Variants in MND1 observed in about 807,000 individuals in gnomAD.
MND1 encodes the protein meiotic nuclear divisions 1, also known as meiotic nuclear division protein 1 homolog.
MND1 carries 28 observed loss-of-function variants against 35.1 expected under a neutral mutation model. That is an observed-to-expected ratio of 0.80 (90% CI 0.59 to 1.09). MND1 has a LOEUF of 1.09. Among genes scored for constraint, MND1 ranks in the 50% least tolerant of loss-of-function variants. MND1 has a pLI of 0.00. For synonymous variants in MND1, 69 were observed against 70.5 expected (o/e 0.98, Z 0.11); for missense variants, 213 against 239.6 (o/e 0.89, Z 0.73).
intron 1 of MND1, among the ~76,000 whole-genome samples, chr4:153,349,791 A>G (rs1773165843): frequency 6.6e-6 from 1 of 152,238 alleles, no homozygotes; most frequent in South Asian, 2.1e-4. Context: ...AGCCTTTGGA[A>G]GGTCAATACA....
At chr4:153,401,912 T>C (rs901545923) in intron 6 of MND1, among the ~76,000 whole-genome samples, 1 of 152,170 alleles carries the variant, frequency 6.6e-6, no homozygotes, top group Non-Finnish European at 1.5e-5. Context: ...ACTAATTGCT[T>C]TGGAGGCAGA....
At chr4:153,405,949 GC>G (rs990498336) in intron 6 of MND1, among the ~76,000 whole-genome samples, 3 of 151,866 alleles carry the variant, frequency 2.0e-5, no homozygotes, top group Non-Finnish European at 2.9e-5. Flanking sequence ...GACTACAGGC[GC>G]CCACCACCAC....
intron 6 of MND1, among the ~76,000 whole-genome samples, chr4:153,403,132 C>T (rs554047448): frequency 6.6e-6 from 1 of 150,560 alleles, no homozygotes; most frequent in South Asian, 2.1e-4. Flanking sequence ...TGAGAACCTT[C>T]TAAAAAAAAA....
intron 1 of MND1, among the ~76,000 whole-genome samples, chr4:153,348,257 C>T (rs905305973): frequency 6.6e-6 from 1 of 152,104 alleles, no homozygotes; most frequent in African/African-American, 2.4e-5. Context: ...AGGCCTCTGG[C>T]TTGGGTCACG....
intron 4 of MND1, among the ~76,000 whole-genome samples, chr4:153,383,279 TG>T (rs1422846531): frequency 6.6e-6 from 1 of 152,140 alleles, no homozygotes; most frequent in Non-Finnish European, 1.5e-5. Flanking sequence ...AAACCCAGGC[TG>T]GGAGGAAATT....
intron 5 of MND1, among the ~76,000 whole-genome samples, chr4:153,396,385 A>G (rs1729198151): frequency 6.6e-6 from 1 of 152,204 alleles, no homozygotes; most frequent in Non-Finnish European, 1.5e-5. Context: ...TTTGGAACCA[A>G]AAGGAACAGC....
intron 4 of MND1, among the ~76,000 whole-genome samples, chr4:153,373,782 G>A (rs1029070479): frequency 6.6e-6 from 1 of 152,154 alleles, no homozygotes; most frequent in African/African-American, 2.4e-5. Flanking sequence ...TTTCTAAAAG[G>A]TTGATAGCCC....
chr4:153,373,964 A>C (rs4597810), intron 4 of MND1, among the ~76,000 whole-genome samples: 4,491 of 152,250 alleles, frequency 0.029, 234 homozygotes, highest in African/African-American at 0.1. Context: ...TAGAGAAGCA[A>C]TATGGCTTCA....
At chr4:153,399,796 G>T (rs919778210) in intron 6 of MND1, among the ~76,000 whole-genome samples, 1 of 151,528 alleles carries the variant, frequency 6.6e-6, no homozygotes, top group Admixed American at 6.6e-5. Context: ...CCAACCCAAG[G>T]AAAACATGCC....
intron 4 of MND1, among the ~76,000 whole-genome samples, chr4:153,380,832 A>G (rs1160430564): frequency 6.6e-6 from 1 of 152,192 alleles, no homozygotes; most frequent in Non-Finnish European, 1.5e-5. Context: ...GTTATTTTAA[A>G]TAATGCTGAA....
chr4:153,355,898 G>C, intron 3 of MND1, 187 bp downstream of exon 3: 3 of 534,902 alleles, frequency 5.6e-6, no homozygotes, highest in Non-Finnish European at 1.0e-5. Context: ...TTATTTTTCT[G>C]TATAATACAT....
chr4:153,380,738 A>G (rs1469009256), intron 4 of MND1, among the ~76,000 whole-genome samples: 1 of 152,222 alleles, frequency 6.6e-6, no homozygotes, highest in Non-Finnish European at 1.5e-5. Flanking sequence ...ATAATCCAGA[A>G]TTAGATATAT....
At chr4:153,352,751 A>T (rs1257882373) in intron 2 of MND1, among the ~76,000 whole-genome samples, 11 of 150,544 alleles carry the variant, frequency 7.3e-5, no homozygotes, top group African/African-American at 2.7e-4. Flanking sequence ...TATCTTAAAA[A>T]AAAAAAAAAA....
intron 4 of MND1, among the ~76,000 whole-genome samples, chr4:153,390,927 GTGTGTGTGTGTGTGTA>G (rs1579939668): frequency 6.9e-6 from 1 of 144,340 alleles, no homozygotes; most frequent in South Asian, 2.2e-4. Flanking sequence ...ATATGTGTGT[GTGTGTGTGTGTGTGTA>G]TATAAAATGT....
chr4:153,405,996 A>G (rs10031052), intron 6 of MND1, among the ~76,000 whole-genome samples: 81,533 of 151,426 alleles, frequency 0.54, 23,972 homozygotes, highest in African/African-American at 0.8. Context: ...GTAGAGAGGG[A>G]GTTTCACCGT....
chr4:153,378,737 G>A (rs1281493009), intron 4 of MND1, among the ~76,000 whole-genome samples: 1 of 152,152 alleles, frequency 6.6e-6, no homozygotes, highest in Non-Finnish European at 1.5e-5. Context: ...ATCCCAACAT[G>A]TGCAAAGTGC....
At chr4:153,382,916 C>A (rs953285751) in intron 4 of MND1, among the ~76,000 whole-genome samples, 2 of 152,230 alleles carry the variant, frequency 1.3e-5, no homozygotes, top group African/African-American at 2.4e-5. Context: ...TCAGCCTAGA[C>A]AACTTGAGTG....
At chr4:153,371,775 A>T (rs80119931) in intron 4 of MND1, among the ~76,000 whole-genome samples, 1 of 152,034 alleles carries the variant, frequency 6.6e-6, no homozygotes, top group Admixed American at 6.5e-5. Context: ...AATTTCTTTC[A>T]GGAACTTTTC....
chr4:153,376,940 A>G, intron 4 of MND1, among the ~76,000 whole-genome samples: 1 of 152,226 alleles, frequency 6.6e-6, no homozygotes. Context: ...AAGGGTATGA[A>G]GTTATTCTTA....
Sources: gnomAD v4.1 joint callset for allele counts (sites outside exome capture counted in the v4.1 genomes callset) on GRCh38, gnomAD v4.1.1 for gene constraint, MANE v1.5 for transcripts, NCBI Gene and HGNC (gene_info 2026-07-23, HGNC 2026-07-21) for gene names.